GCNT4: variants seen among roughly 807,000 people sequenced by gnomAD.
GCNT4 encodes glucosaminyl (N-acetyl) transferase 4.
GCNT4 carries 17 observed loss-of-function variants against 31.3 expected under a neutral mutation model. The ratio of observed to expected loss-of-function variants is 0.54; its 90% confidence interval spans 0.37 to 0.81. The LOEUF is 0.81. Among genes scored for constraint, GCNT4 ranks in the 40% least tolerant of loss-of-function variants. GCNT4 has a pLI of 0.00. For synonymous variants in GCNT4, 158 were observed against 190.6 expected (o/e 0.83, Z 1.41); for missense variants, 503 against 525.5 (o/e 0.96, Z 0.42).
the GCNT4 span, among the ~76,000 whole-genome samples, chr5:75,019,631 A>G: frequency 1.4e-4 from 21 of 152,298 alleles, no homozygotes; most frequent in African/African-American, 4.6e-4. Context: ...ACTGGCAATT[A>G]CTTCATAAAA....
chr5:75,026,647 C>CAAAAAAAAAA lies in GCNT4; in HGVS notation c.*2019_*2028dup, dbSNP rs547466422. The CAAAAAAAAAA allele has an allele frequency of 3.0e-5, 2 of 65,782 alleles. No homozygotes were observed. The highest frequency in any genetic ancestry group is 1.0e-4 in the African/African-American group (2 of 19,170). 4.1% of individuals were successfully genotyped at this position (65,782 alleles called of 1,614,324 possible). A position where few individuals can be genotyped will look rare whatever the true frequency, so the allele number is the denominator to read the frequency against. ...CATATACTATTTCAATCGATTCTCA[C>CAAAAAAAAAA]AAAAAAAAAAAAAAAAAAAAAAAAA... On this transcript the variant is annotated 3_prime_UTR_variant, in exon 4 of 4. Coordinates refer to ENST00000652361, the MANE Select transcript of GCNT4 (RefSeq NM_001366737.1).
downstream of GCNT4, among the ~76,000 whole-genome samples, chr5:75,022,884 C>A (rs1394193017): frequency 6.6e-6 from 1 of 152,180 alleles, no homozygotes; most frequent in East Asian, 1.9e-4. Flanking sequence ...CTATAACAAA[C>A]ATTCTAGGCA....
chr5:75,028,547 T>A lies in GCNT4; in HGVS notation c.*129A>T. 7 of 836,400 alleles carry A rather than the reference T, an allele frequency of 8.4e-6. No individual in the cohort carries two copies. The highest frequency in any genetic ancestry group is 1.3e-5 in the Non-Finnish European group (7 of 549,810). The allele number at this position is 836,400 out of a possible 1,614,324, so 51.8% of individuals were successfully genotyped here. On this transcript the variant is annotated 3_prime_UTR_variant, in exon 4 of 4. Transcript: ENST00000652361. ...AAAGGCTAGATCACTTTCCCTTGTG[T>A]ATGGAATTTTGGACACCTTTTAAAA...
intron 3 of GCNT4, among the ~76,000 whole-genome samples, chr5:75,046,710 G>A (rs1743446761): frequency 1.3e-5 from 2 of 152,186 alleles, no homozygotes; most frequent in Non-Finnish European, 2.9e-5. Context: ...AGAAGACGGG[G>A]TTGCACAGGG....
At chr5:75,047,549 A>G (rs1743469293) in intron 3 of GCNT4, among the ~76,000 whole-genome samples, 1 of 152,146 alleles carries the variant, frequency 6.6e-6, no homozygotes. Flanking sequence ...TAATGATACA[A>G]CAGTTTAGGA....
At chr5:75,035,598 T>C (rs1351886539) in intron 3 of GCNT4, among the ~76,000 whole-genome samples, 2 of 152,236 alleles carry the variant, frequency 1.3e-5, no homozygotes, top group African/African-American at 4.8e-5. Context: ...TAGGAAAATG[T>C]GGCCAGATTG....
chr5:75,033,249 C>T (rs1206701604), intron 3 of GCNT4, among the ~76,000 whole-genome samples: 2 of 152,242 alleles, frequency 1.3e-5, no homozygotes, highest in African/African-American at 4.8e-5. Context: ...CTTGCCCTTC[C>T]TGAGAAGGCC....
intron 3 of GCNT4, among the ~76,000 whole-genome samples, chr5:75,031,575 TC>T (rs1344876143): frequency 6.6e-6 from 1 of 152,174 alleles, no homozygotes; most frequent in Non-Finnish European, 1.5e-5. Context: ...CTGTAGTGTT[TC>T]CAAAAGGATA....
intron 3 of GCNT4, among the ~76,000 whole-genome samples, chr5:75,038,067 A>C (rs1045625044): frequency 1.3e-5 from 2 of 151,924 alleles, no homozygotes; most frequent in Non-Finnish European, 2.9e-5. Flanking sequence ...TTTAAGAAAC[A>C]CATTTTTTTT....
intron 3 of GCNT4, among the ~76,000 whole-genome samples, chr5:75,037,866 T>G (rs1743232163): frequency 6.7e-6 from 1 of 148,496 alleles, no homozygotes; most frequent in Non-Finnish European, 1.5e-5. Context: ...CAAGGCAAGA[T>G]TCAGTCTCAA....
At chr5:75,053,364 A>G (rs575260497), upstream of GCNT4, among the ~76,000 whole-genome samples, 197 of 152,102 alleles carry the variant, frequency 1.3e-3, no homozygotes, top group African/African-American at 4.5e-3. Flanking sequence ...CCGCCTGGAG[A>G]TGGACGCGGC....
At chr5:75,038,623 T>G (rs1743250610) in intron 3 of GCNT4, among the ~76,000 whole-genome samples, 1 of 152,198 alleles carries the variant, frequency 6.6e-6, no homozygotes, top group Non-Finnish European at 1.5e-5. Flanking sequence ...CTTGCTGCTG[T>G]GTTCTCACAT....
At chr5:75,031,276 T>G (rs1743056288) in intron 3 of GCNT4, among the ~76,000 whole-genome samples, 1 of 152,182 alleles carries the variant, frequency 6.6e-6, no homozygotes, top group Non-Finnish European at 1.5e-5. Flanking sequence ...CTCACTGTGC[T>G]GCCCAGGCTG....
intron 3 of GCNT4, among the ~76,000 whole-genome samples, chr5:75,033,566 T>G (rs1417742372): frequency 6.6e-6 from 1 of 152,046 alleles, no homozygotes; most frequent in Admixed American, 6.6e-5. Flanking sequence ...GCCTTTGATA[T>G]CCTTTGAAAG....
Position 75,028,518 on chromosome 5 carries a change from C to T in GCNT4, c.*158G>A, listed in dbSNP as rs1742994410. ...AACCTAGCCAACTGCAGGCTAATAA[C>T]ATCAAAGGCTAGATCACTTTCCCTT... is the stretch of plus-strand genomic sequence containing the variant. On this transcript the variant is annotated 3_prime_UTR_variant, in exon 4 of 4. Transcript: ENST00000652361. 1 of 667,604 alleles carries T rather than the reference C, an allele frequency of 1.5e-6. No individual in the cohort carries two copies. The highest frequency in any genetic ancestry group is 2.4e-6 in the Non-Finnish European group (1 of 414,158). The allele number at this position is 667,604 out of a possible 1,614,324, so 41.4% of individuals were successfully genotyped here.
chr5:75,053,298 A>G (rs866064986), upstream of GCNT4, among the ~76,000 whole-genome samples: 16 of 151,896 alleles, frequency 1.1e-4, no homozygotes, highest in South Asian at 1.4e-3. Context: ...AGGCGCGGAG[A>G]GAGGCCGGGG....
At position 75,052,202 on chromosome 5, in the gene GCNT4, C is replaced by T. The variant is rs999848974; in HGVS notation, c.-176G>A. On this transcript the variant is annotated 5_prime_UTR_variant, in exon 2 of 4. Transcript: ENST00000652361. Reference sequence around the variant, plus strand: ...ATTAAACGCATTATATTAGCCCCAACTCTGTTAATCTTCTGGTTTGTTGTT... The same window carrying T: ...ATTAAACGCATTATATTAGCCCCAATTCTGTTAATCTTCTGGTTTGTTGTT... 6.8e-6 allele frequency: 1 copy of T among 148,056 alleles called. No homozygotes were observed. The highest frequency in any genetic ancestry group is 2.5e-5 in the African/African-American group (1 of 39,812). 9.2% of individuals were successfully genotyped at this position (148,056 alleles called of 1,614,324 possible). A position where few individuals can be genotyped will look rare whatever the true frequency, so the allele number is the denominator to read the frequency against.
At chr5:75,043,440 C>G (rs1743364184) in intron 3 of GCNT4, among the ~76,000 whole-genome samples, 1 of 152,186 alleles carries the variant, frequency 6.6e-6, no homozygotes, top group African/African-American at 2.4e-5. Context: ...AAAAGACTTT[C>G]CTCTAACTTC....
rs567293675 is a variant in GCNT4 at position 75,052,477 on chromosome 5, T to C, written c.-250A>G. ...ACTGCAAATGGACTCGAGCGTCCCG[T>C]TTCTCGGCTCGGATCCCAGAAGCTC... On this transcript the variant is annotated 5_prime_UTR_variant, in exon 1 of 4. Transcript: ENST00000652361. The C allele has an allele frequency of 2.0e-5, 3 of 152,244 alleles. No homozygotes were observed. Among genetic ancestry groups the C allele is most frequent in the African/African-American group, 7.2e-5 (3 of 41,536 alleles). 9.4% of individuals were successfully genotyped at this position (152,244 alleles called of 1,614,324 possible).
Sources: gnomAD v4.1 joint callset for allele counts (sites outside exome capture counted in the v4.1 genomes callset) on GRCh38, gnomAD v4.1.1 for gene constraint, MANE v1.5 for transcripts, NCBI Gene and HGNC (gene_info 2026-07-23, HGNC 2026-07-21) for gene names.